The following IL4I1 variants were observed in gnomAD, a reference collection of about 807,000 sequenced individuals.
IL4I1 encodes the protein L-amino-acid oxidase.
In IL4I1, 24 loss-of-function variants were observed where a neutral mutation model predicts 29.7. That is an observed-to-expected ratio of 0.81 (90% CI 0.59 to 1.14). The LOEUF is 1.14. IL4I1 is among the 50% of genes most tolerant of loss of function. The pLI, the probability that IL4I1 is intolerant of heterozygous loss-of-function variation, is 0.00. For synonymous variants in IL4I1, 371 were observed against 352.5 expected (o/e 1.05, Z -0.59); for missense variants, 686 against 785.6 (o/e 0.87, Z 1.52).
intron 3 of IL4I1, among the ~76,000 whole-genome samples, chr19:49,903,122 A>C (rs1316875224): frequency 6.6e-6 from 1 of 152,036 alleles, no homozygotes; most frequent in Non-Finnish European, 1.5e-5. Flanking sequence ...GAAAAAAAAA[A>C]CAACAACAAA....
At chr19:49,928,253 C>G (rs2122798835) in intron 1 of IL4I1, 1 of 152,444 alleles carries the variant, frequency 6.6e-6, no homozygotes, top group African/African-American at 2.4e-5. Flanking sequence ...AGCGATGGCT[C>G]ACGCCTGTAA....
chr19:49,899,629 T>C (rs1316860898), upstream of IL4I1, among the ~76,000 whole-genome samples: 1 of 151,650 alleles, frequency 6.6e-6, no homozygotes, highest in Non-Finnish European at 1.5e-5. Context: ...CTATCTTGGC[T>C]CACTGCAAGC....
At position 49,891,477 on chromosome 19, in the gene IL4I1, T is replaced by C. The variant is rs2075138510; in HGVS notation, c.568-4A>G. 1 of 1,613,920 alleles carries C rather than the reference T, an allele frequency of 6.2e-7. No homozygotes were observed. Among genetic ancestry groups the C allele is most frequent in the Middle Eastern group, 1.7e-4 (1 of 6,060 alleles). ...GTGCCTTGAGGTCTTTGAGGGCCTG[T>C]TGTGGAAGAAGCAGACATGGTGCTG... On this transcript the variant is annotated splice_polypyrimidine_tract_variant and splice_region_variant and intron_variant, in intron 5 of 7. Transcript: ENST00000391826.
Position 49,902,479 on chromosome 19 carries a change from A to G in IL4I1, c.-104-658T>C, listed in dbSNP as rs16959764. On this transcript the variant is annotated intron_variant, in intron 3 of 9. Coordinates refer to the IL4I1 transcript ENST00000341114. The stretch of plus-strand genomic sequence containing the variant: ...GCCATTTCTTAATATCATTAAATCA[A>G]TGTTCACGTTTCCTGGAATAGCTCA... Among the ~76,000 whole-genome samples, 475 of 151,806 alleles carry G rather than the reference A, an allele frequency of 3.1e-3. 3 individuals are homozygous for G. Among genetic ancestry groups the G allele is most frequent in the African/African-American group, 0.011 (454 of 41,338 alleles).
chr19:49,906,597 T>C (rs1260722358), intron 2 of IL4I1, among the ~76,000 whole-genome samples: 5 of 152,244 alleles, frequency 3.3e-5, no homozygotes, highest in Admixed American at 6.5e-5. Context: ...GTTCCTCTTC[T>C]ACCACTAGCA....
At chr19:49,902,864 C>T (rs2075283211) in intron 3 of IL4I1, among the ~76,000 whole-genome samples, 1 of 151,680 alleles carries the variant, frequency 6.6e-6, no homozygotes, top group Non-Finnish European at 1.5e-5. Context: ...TGCCTGTAAT[C>T]CCAGCACTCT....
At position 49,891,170 on chromosome 19, in the gene IL4I1, C is replaced by T. The variant is rs546316132; in HGVS notation, c.637-63G>A. On this transcript the variant is annotated intron_variant, in intron 6 of 7. Transcript: ENST00000391826. ...AGGCTGCACCCCTGAGAGAGCCCCT[C>T]CGCAGCTGGGCCTCCTGGTCCCATG... The T allele has an allele frequency of 5.1e-6, 8 of 1,579,968 alleles. No individual in the cohort carries two copies. In the Admixed American group the frequency reaches 1.1e-4, roughly 21 times the overall value.
At chr19:49,926,137 A>C (rs1168122095) in intron 2 of IL4I1, among the ~76,000 whole-genome samples, 1 of 132,086 alleles carries the variant, frequency 7.6e-6, no homozygotes, top group East Asian at 2.5e-4. Flanking sequence ...TGAACCTGGG[A>C]GGCGGTGGTT....
intron 2 of IL4I1, among the ~76,000 whole-genome samples, chr19:49,925,720 A>G (rs1197887555): frequency 1.3e-5 from 2 of 152,188 alleles, no homozygotes; most frequent in Non-Finnish European, 2.9e-5. Flanking sequence ...ATCAGCATCA[A>G]GTGTGGTCAG....
At chr19:49,894,874 G>A (rs2075184879) in intron 4 of IL4I1, among the ~76,000 whole-genome samples, 194 bp downstream of exon 4, 1 of 152,094 alleles carries the variant, frequency 6.6e-6, no homozygotes, top group Non-Finnish European at 1.5e-5. Context: ...GGTCTGGTTG[G>A]ACCAGGTGGC....
rs764711306 is a variant in IL4I1 at position 49,908,730 on chromosome 19, C to A, written c.-227-4409G>T. ...TTCTCGATCAGCGTGCGGTCCCAGG[C>A]GTTGACCTGGGTGGCCTGCTGGAGG... On this transcript the variant is annotated intron_variant, in intron 2 of 9. Transcript: ENST00000341114. The A allele has an allele frequency of 2.5e-6, 4 of 1,613,304 alleles. No individual in the cohort carries two copies. In the Admixed American group the frequency reaches 6.7e-5, roughly 27 times the overall value.
intron 2 of IL4I1, among the ~76,000 whole-genome samples, chr19:49,923,338 C>T (rs2075809218): frequency 6.6e-6 from 1 of 152,228 alleles, no homozygotes; most frequent in South Asian, 2.1e-4. Context: ...ATCACATTCG[C>T]TGGCCTCTGT....
intron 7 of IL4I1, 21 bp from the exon 8 acceptor site, chr19:49,890,621 G>T (rs1351564819): frequency 2.0e-6 from 3 of 1,485,692 alleles, no homozygotes; most frequent in Non-Finnish European, 2.7e-6. Context: ...GGCGGGGCGG[G>T]GTGGGGGCGT....
upstream of IL4I1, among the ~76,000 whole-genome samples, chr19:49,900,932 C>T (rs1487334216): frequency 6.6e-6 from 1 of 152,262 alleles, no homozygotes; most frequent in Non-Finnish European, 1.5e-5. Flanking sequence ...AGCAGCCAGA[C>T]ACCTGGCCCT....
At chr19:49,914,705 C>T (rs933645199) in intron 2 of IL4I1, among the ~76,000 whole-genome samples, 81 of 110,860 alleles carry the variant, frequency 7.3e-4, no homozygotes, top group African/African-American at 2.4e-3. Context: ...ATCTGTGATT[C>T]TTGTGCCACT....
chr19:49,893,869 C>T (rs2122519103), intron 5 of IL4I1, among the ~76,000 whole-genome samples: 1 of 151,808 alleles, frequency 6.6e-6, no homozygotes, highest in Non-Finnish European at 1.5e-5. Context: ...CGCCTGTAAT[C>T]CCAGCTACTC....
chr19:49,924,846 G>A (rs538926142), intron 2 of IL4I1, among the ~76,000 whole-genome samples: 4 of 152,220 alleles, frequency 2.6e-5, no homozygotes, highest in Non-Finnish European at 4.4e-5. Context: ...CCAATAGCTA[G>A]AGAGAAAAGG....
exon 3 of IL4I1, chr19:49,904,247 A>G (rs1600484789): frequency 2.0e-5 from 3 of 152,360 alleles, no homozygotes; most frequent in Admixed American, 2.0e-4. Flanking sequence ...TGTTGTCTTC[A>G]TATGAATTAA....
At chr19:49,919,466 C>T (rs886431691) in intron 2 of IL4I1, among the ~76,000 whole-genome samples, 7 of 152,174 alleles carry the variant, frequency 4.6e-5, no homozygotes, top group Non-Finnish European at 8.8e-5. Context: ...ATGAGGAAAC[C>T]GAGGCCCTCA....
Sources: allele counts gnomAD v4.1 joint callset (sites outside exome capture counted in the v4.1 genomes callset), GRCh38; gene constraint gnomAD v4.1.1; transcripts MANE v1.5; gene names NCBI Gene and HGNC (gene_info 2026-07-23, HGNC 2026-07-21).